The following GLRB variants were observed in gnomAD, a reference collection of about 807,000 sequenced individuals.
GLRB encodes the protein glycine receptor subunit beta.
In GLRB, 33 loss-of-function variants were observed where a neutral mutation model predicts 54.2. The observed-to-expected ratio is 0.61, with a 90% confidence interval of 0.46 to 0.81. The LOEUF (loss-of-function observed/expected upper bound fraction) is 0.81. Among genes scored for constraint, GLRB ranks in the 40% least tolerant of loss-of-function variants. The pLI is 0.00. For missense variants in GLRB, 572 were observed against 584.6 expected (o/e 0.98, Z 0.22); for synonymous variants, 209 against 208.2 (o/e 1.00, Z -0.03).
At chr4:157,101,393 C>A (rs981296693) in intron 2 of GLRB, among the ~76,000 whole-genome samples, 3 of 151,926 alleles carry the variant, frequency 2.0e-5, no homozygotes, top group Non-Finnish European at 2.9e-5. Flanking sequence ...CTCTTATTTT[C>A]TGGCAGATAC....
At chr4:157,130,927 A>G (rs1217118134) in intron 4 of GLRB, among the ~76,000 whole-genome samples, 1 of 151,728 alleles carries the variant, frequency 6.6e-6, no homozygotes, top group Non-Finnish European at 1.5e-5. Context: ...GATCCAAGGA[A>G]GAATTCAAGA....
intron 2 of GLRB, among the ~76,000 whole-genome samples, chr4:157,085,443 A>G (rs1734374609): frequency 6.6e-6 from 1 of 151,892 alleles, no homozygotes; most frequent in Admixed American, 6.6e-5. Flanking sequence ...ATATCTTCCT[A>G]GTTATTCACC....
intron 1 of GLRB, 167 bp downstream of exon 1, chr4:157,076,464 G>A (rs1216937178): frequency 6.9e-6 from 1 of 143,892 alleles, no homozygotes; most frequent in Non-Finnish European, 1.5e-5. Flanking sequence ...GCCCTGCGCG[G>A]GAGAGGGGCG....
rs1319955053 is a variant in GLRB at position 157,077,981 on chromosome 4, T to C, written c.-29-15T>C. ...TTCTTCATAAATGTAAACATTTTCTTGTTCTCTCTTGTAGATCGATCTTCT... is the reference window on the plus strand; with the variant it reads ...TTCTTCATAAATGTAAACATTTTCTCGTTCTCTCTTGTAGATCGATCTTCT... On this transcript the variant is annotated splice_polypyrimidine_tract_variant and intron_variant, in intron 1 of 9. Transcript: ENST00000264428. 6.5e-7 allele frequency: 1 copy of C among 1,543,102 alleles called. No individual in the cohort carries two copies.
chr4:157,133,228 G>A (rs1211425117), intron 4 of GLRB, among the ~76,000 whole-genome samples: 1 of 151,774 alleles, frequency 6.6e-6, no homozygotes, highest in Non-Finnish European at 1.5e-5. Flanking sequence ...GTACTCACTT[G>A]GGGCCAGGTT....
intron 2 of GLRB, among the ~76,000 whole-genome samples, chr4:157,079,172 A>G (rs983452004): frequency 2.0e-5 from 3 of 152,152 alleles, no homozygotes. Context: ...TCAAAATATA[A>G]CGTGCTTTTA....
intron 8 of GLRB, among the ~76,000 whole-genome samples, chr4:157,151,813 A>C (rs931853721): frequency 1.3e-5 from 2 of 152,132 alleles, no homozygotes; most frequent in Non-Finnish European, 2.9e-5. Flanking sequence ...AATTATACTC[A>C]ACCCAGTATG....
chr4:157,085,038 T>C (rs577579011), intron 2 of GLRB, among the ~76,000 whole-genome samples: 68 of 152,344 alleles, frequency 4.5e-4, no homozygotes, highest in African/African-American at 1.4e-3. Flanking sequence ...TTATGTATTT[T>C]CTTATTACTT....
intron 2 of GLRB, among the ~76,000 whole-genome samples, chr4:157,110,508 T>G (rs1735379341): frequency 6.6e-6 from 1 of 152,072 alleles, no homozygotes; most frequent in Non-Finnish European, 1.5e-5. Flanking sequence ...ATTTTCTCTT[T>G]GTTGAAATTC....
At chr4:157,163,908 T>A (rs1579255999) in intron 9 of GLRB, among the ~76,000 whole-genome samples, 1 of 151,854 alleles carries the variant, frequency 6.6e-6, no homozygotes, top group Middle Eastern at 3.4e-3. Flanking sequence ...ATAGGAAAGG[T>A]ATGTCTACTC....
chr4:157,159,544 G>C (rs954895377), intron 9 of GLRB, among the ~76,000 whole-genome samples: 11 of 152,162 alleles, frequency 7.2e-5, no homozygotes, highest in East Asian at 3.9e-4. Flanking sequence ...TAGCATGAAG[G>C]GCTGTTGAAT....
intron 2 of GLRB, among the ~76,000 whole-genome samples, chr4:157,104,950 G>A (rs192518814): frequency 7.8e-4 from 118 of 151,474 alleles, no homozygotes; most frequent in Admixed American, 4.7e-3. Context: ...TTATTTAGTT[G>A]CATCTTCTTT....
chr4:157,113,768 A>G (rs1343358942), intron 2 of GLRB, among the ~76,000 whole-genome samples: 1 of 151,980 alleles, frequency 6.6e-6, no homozygotes, highest in Non-Finnish European at 1.5e-5. Context: ...CTCTTGGCCC[A>G]TAATAACATG....
chr4:157,088,713 G>C (rs781139818), intron 2 of GLRB, among the ~76,000 whole-genome samples: 3 of 151,862 alleles, frequency 2.0e-5, no homozygotes, highest in Non-Finnish European at 2.9e-5. Flanking sequence ...ACTTTTTTAG[G>C]ATCCCATCTC....
chr4:157,135,802 G>A (rs969257517), intron 4 of GLRB, among the ~76,000 whole-genome samples: 5 of 152,152 alleles, frequency 3.3e-5, no homozygotes, highest in South Asian at 4.1e-4. Context: ...TCAAAATAAC[G>A]TTAAGTGGCT....
intron 8 of GLRB, among the ~76,000 whole-genome samples, chr4:157,146,051 C>G (rs529094163): frequency 6.6e-6 from 1 of 151,540 alleles, no homozygotes; most frequent in South Asian, 2.1e-4. Flanking sequence ...GAGTCTTGCT[C>G]TGTTGCCCAG....
chr4:157,088,044 G>A (rs1734475766), intron 2 of GLRB, among the ~76,000 whole-genome samples: 1 of 152,072 alleles, frequency 6.6e-6, no homozygotes, highest in Non-Finnish European at 1.5e-5. Flanking sequence ...ATGTAAATAT[G>A]AAATAATATT....
chr4:157,151,435 A>C (rs1412663254), intron 8 of GLRB, among the ~76,000 whole-genome samples: 1 of 152,086 alleles, frequency 6.6e-6, no homozygotes, highest in African/African-American at 2.4e-5. Context: ...GACCTACATT[A>C]ACTTTTAAAA....
At chr4:157,145,384 T>C (rs957232239) in intron 8 of GLRB, among the ~76,000 whole-genome samples, 1 of 152,102 alleles carries the variant, frequency 6.6e-6, no homozygotes, top group African/African-American at 2.4e-5. Context: ...GAAATGTCAA[T>C]AGGGATGATA....
Sources: gnomAD v4.1 joint callset for allele counts (sites outside exome capture counted in the v4.1 genomes callset) on GRCh38, gnomAD v4.1.1 for gene constraint, MANE v1.5 for transcripts, NCBI Gene and HGNC (gene_info 2026-07-23, HGNC 2026-07-21) for gene names.